Variants in MUC5AC observed in about 807,000 individuals in gnomAD.
MUC5AC encodes mucin-5AC.
MUC5AC carries 158 observed loss-of-function variants against 169.7 expected under a neutral mutation model. The ratio of observed to expected loss-of-function variants is 0.93; its 90% CI spans 0.82 to 1.06. The LOEUF (loss-of-function observed/expected upper bound fraction) is 1.06, where lower values mean the gene tolerates loss of function less well. Among genes scored for constraint, MUC5AC ranks in the 50% least tolerant of loss-of-function variants. MUC5AC has a pLI of 0.00. For synonymous variants in MUC5AC, 1,975 were observed against 1,237.0 expected (o/e 1.60, Z -12.52); for missense variants, 4,359 against 3,089.9 (o/e 1.41, Z -9.74).
At position 1,193,552 on chromosome 11, in the gene MUC5AC, T is replaced by A. The variant is rs746993872; in HGVS notation, c.14648T>A (p.Leu4883Gln). ...ATCEGNNVIS[L>Q]RPRTCPRVEK... ...TGTGAGGGCAACAACGTCATCTCCC[T>A]GCGCCCGCGCACGTGCCCGAGGGTG... Residue 4883 changes from leucine to glutamine, a missense_variant, in exon 33 of 49, where the codon CTG (leucine) becomes CAG (glutamine). By Grantham distance (113) the Leu-to-Gln change is moderately radical. Coordinates refer to ENST00000621226, the MANE Select transcript of MUC5AC (RefSeq NM_001304359.2). The A allele has an allele frequency of 1.3e-6, 1 of 763,628 alleles. No individual in the cohort carries two copies. The allele number at this position is 763,628 out of a possible 1,614,324, so 47.3% of individuals were successfully genotyped here. A position where few individuals can be genotyped will look rare whatever the true frequency, so the allele number is the denominator to read the frequency against.
Position 1,190,581 on chromosome 11 carries a change from A to T in MUC5AC, c.12436A>T (p.Thr4146Ser). 1 of 695,754 alleles carries T rather than the reference A, an allele frequency of 1.4e-6. No individual in the cohort carries two copies. The allele number at this position is 695,754 out of a possible 1,614,324, so 43.1% of individuals were successfully genotyped here. The change falls in exon 31 of 49, where the codon ACT (threonine) becomes TCT (serine). Residue 4146 changes from threonine (T) to serine (S), a missense_variant. Transcript: ENST00000621226. ...GACCTCAGCTCCTACACACAGAACGACTTCTGGTCCTACAACCAGCACAAC... is the reference window on the plus strand; with the variant it reads ...GACCTCAGCTCCTACACACAGAACGTCTTCTGGTCCTACAACCAGCACAAC... ...STTSAPTHRT[T>S]SGPTTSTTLA...
intron 26 of MUC5AC, 81 bp from the exon 27 acceptor site, chr11:1,179,941 G>C (rs878906280): frequency 5.0e-6 from 2 of 397,772 alleles, no homozygotes; most frequent in East Asian, 3.6e-5. Flanking sequence ...GGAGGGAAGC[G>C]GCTTTAGAAC....
chr11:1,165,402 C>T lies in MUC5AC; in HGVS notation c.1230C>T (p.Ser410=), dbSNP rs1330893079. The change falls in exon 10 of 49, where the codon TCC becomes TCT. Residue 410 remains serine (S), a synonymous_variant. Coordinates refer to ENST00000621226, the MANE Select transcript of MUC5AC (RefSeq NM_001304359.2). ...CCTATGCCCCAGGGGCCACCTACTCCACAGACTGCACCAACTGGTAGGTCC... is the reference window on the plus strand; with the variant it reads ...CCTATGCCCCAGGGGCCACCTACTCTACAGACTGCACCAACTGGTAGGTCC... ...GAAYAPGATY[S]TDCTNCTCSG... is the part of the protein sequence containing the mutation. The T allele has an allele frequency of 3.7e-6, 6 of 1,611,614 alleles. No homozygotes were observed. Among genetic ancestry groups the T allele is most frequent in the East Asian group, 2.2e-5 (1 of 44,788 alleles).
At chr11:1,175,607 C>CCACTCATGCACACACACCCA (rs1860654902) in intron 19 of MUC5AC, among the ~76,000 whole-genome samples, 3 of 101,560 alleles carry the variant, frequency 3.0e-5, no homozygotes, top group African/African-American at 7.5e-5. Context: ...GCATTCACAC[C>CCACTCATGCACACACACCCA]CTCATGCACA....
At chr11:1,196,961 G>T (rs1024341506) in intron 40 of MUC5AC, 53 bp downstream of exon 40, 1 of 739,508 alleles carries the variant, frequency 1.4e-6, no homozygotes, top group Non-Finnish European at 2.5e-6. Flanking sequence ...GCCCGAGGAG[G>T]GAGGCTCTTG....
intron 35 of MUC5AC, 98 bp from the exon 36 acceptor site, chr11:1,194,914 A>T: frequency 1.6e-6 from 1 of 634,664 alleles, no homozygotes; most frequent in South Asian, 1.7e-5. Context: ...CAGTTCACCA[A>T]GTTGTGACCC....
chr11:1,180,697 C>T (rs1860797110), intron 28 of MUC5AC, among the ~76,000 whole-genome samples, 181 bp downstream of exon 28: 1 of 152,150 alleles, frequency 6.6e-6, no homozygotes, highest in Non-Finnish European at 1.5e-5. Context: ...ACCAGCACCC[C>T]CATGTCCTGA....
chr11:1,199,776 G>A lies in MUC5AC; in HGVS notation c.16585+12G>A. ...CCCGTACCAGAACCGTGAGTACCCA[G>A]CCTGCTGGGCGGGGCGGGCTCCACC... On this transcript the variant is annotated intron_variant, in intron 47 of 48. Coordinates refer to ENST00000621226, the MANE Select transcript of MUC5AC (RefSeq NM_001304359.2). The A allele has an allele frequency of 1.4e-6, 1 of 718,158 alleles. No individual in the cohort carries two copies. Among genetic ancestry groups the A allele is most frequent in the Non-Finnish European group, 2.5e-6 (1 of 393,988 alleles). 44.5% of individuals were successfully genotyped at this position (718,158 alleles called of 1,614,324 possible). A position where few individuals can be genotyped will look rare whatever the true frequency, so the allele number is the denominator to read the frequency against.
chr11:1,197,152 C>T (rs1233701179), intron 40 of MUC5AC, among the ~76,000 whole-genome samples: 1 of 152,160 alleles, frequency 6.6e-6, no homozygotes, highest in African/African-American at 2.4e-5. Context: ...CCTGGTGTTG[C>T]TCTGTGGGTG....
At position 1,177,644 on chromosome 11, in the gene MUC5AC, G is replaced by A. The variant is rs1289624521; in HGVS notation, c.3087+11G>A. 3 of 398,682 alleles carry A rather than the reference G, an allele frequency of 7.5e-6. No individual in the cohort carries two copies. Among genetic ancestry groups the A allele is most frequent in the Admixed American group, 4.4e-5 (1 of 22,732 alleles). 24.7% of individuals were successfully genotyped at this position (398,682 alleles called of 1,614,324 possible). On this transcript the variant is annotated intron_variant, in intron 24 of 48. Coordinates refer to ENST00000621226, the MANE Select transcript of MUC5AC (RefSeq NM_001304359.2). ...AGCCCCGAGTTCAAGGTGAGACCAC[G>A]CCCCTCGTCCAGGCCAGGGCCGGCT... is the stretch of plus-strand genomic sequence containing the variant.
Position 1,192,780 on chromosome 11 carries a change from C to T in MUC5AC, c.14381-3C>T, listed in dbSNP as rs760467885. On this transcript the variant is annotated splice_region_variant and splice_polypyrimidine_tract_variant and intron_variant, in intron 31 of 48. Coordinates refer to ENST00000621226, the MANE Select transcript of MUC5AC (RefSeq NM_001304359.2). ...AAGGCTGCCATGTCCCTTCCTCTTA[C>T]AGGATCCACCATATACCGCCACAGA... 1.3e-4 allele frequency: 98 copies of T among 753,052 alleles called. No individual in the cohort carries two copies. The highest frequency in any genetic ancestry group is 2.3e-4 in the Non-Finnish European group (95 of 408,462). The allele number at this position is 753,052 out of a possible 1,614,324, so 46.6% of individuals were successfully genotyped here.
At position 1,186,514 on chromosome 11, in the gene MUC5AC, T is replaced by G. The variant is rs1217012446; in HGVS notation, c.8369T>G (p.Leu2790Trp). The G allele has an allele frequency of 6.5e-6, 4 of 613,354 alleles. No individual in the cohort carries two copies. The highest frequency in any genetic ancestry group is 1.2e-5 in the Non-Finnish European group (4 of 341,806). The allele number at this position is 613,354 out of a possible 1,614,324, so 38.0% of individuals were successfully genotyped here. A position where few individuals can be genotyped will look rare whatever the true frequency, so the allele number is the denominator to read the frequency against. ...TCTGCCCCTACAACCAGCACAACTT[T>G]GTCTCCTACAACCAGCACAACCTCT... ...TISAPTTSTT[L>W]SPTTSTTSTT... Residue 2790 changes from leucine (L) to tryptophan (W), a missense_variant, in exon 31 of 49, where the codon TTG becomes TGG. Transcript: ENST00000621226.
At chr11:1,161,465 G>T (rs2133713737) in intron 2 of MUC5AC, 62 bp from the exon 3 acceptor site, 3 of 1,378,166 alleles carry the variant, frequency 2.2e-6, no homozygotes, top group Non-Finnish European at 2.9e-6. Context: ...GTCTCCTCTG[G>T]CTGCGGAGCC....
intron 28 of MUC5AC, among the ~76,000 whole-genome samples, chr11:1,180,921 C>T (rs1351820578): frequency 6.6e-6 from 1 of 152,098 alleles, no homozygotes; most frequent in African/African-American, 2.4e-5. Context: ...ACTGGAGGGG[C>T]CCCACGAGGG....
chr11:1,190,085 C>T lies in MUC5AC; in HGVS notation c.11940C>T (p.Tyr3980=), dbSNP rs1861051433. 1.3e-6 allele frequency: 1 copy of T among 763,080 alleles called. No individual in the cohort carries two copies. The allele number at this position is 763,080 out of a possible 1,614,324, so 47.3% of individuals were successfully genotyped here. The change falls in exon 31 of 49, where the codon TAC becomes TAT. Residue 3980 remains tyrosine, a synonymous_variant. Coordinates refer to ENST00000621226, the MANE Select transcript of MUC5AC (RefSeq NM_001304359.2). ...CCCACGGTGGGGACAAGGAAACCTA[C>T]AACAACATCATCAGGAGTGGGGAAA... ...PGPHGGDKET[Y]NNIIRSGEKI...
chr11:1,178,566 C>A lies in MUC5AC; in HGVS notation c.3210C>A (p.Ser1070=). 1 of 1,398,698 alleles carries A rather than the reference C, an allele frequency of 7.1e-7. No homozygotes were observed. Among genetic ancestry groups the A allele is most frequent in the Non-Finnish European group, 9.4e-7 (1 of 1,061,834 alleles). 86.6% of individuals were successfully genotyped at this position (1,398,698 alleles called of 1,614,324 possible). A position where few individuals can be genotyped will look rare whatever the true frequency, so the allele number is the denominator to read the frequency against. Reference sequence around the variant, plus strand: ...GGAACAGCTGGAAGCTCTCCCCCTCCTGCCCAGATGCCCTGGCGCCCAAGG... The same window carrying A: ...GGAACAGCTGGAAGCTCTCCCCCTCATGCCCAGATGCCCTGGCGCCCAAGG... ...EFGNSWKLSP[S]CPDALAPKDP... is the part of the protein sequence containing the mutation. Residue 1070 remains serine (S), a synonymous_variant, in exon 25 of 49, where the codon TCC becomes TCA. Transcript: ENST00000621226.
rs1590147153 is a variant in MUC5AC, at chr11:1,189,138, A to G, written c.10993A>G (p.Thr3665Ala). Residue 3665 changes from threonine to alanine, a missense_variant, in exon 31 of 49, where the codon ACC becomes GCC. Physicochemically the swap from Thr to Ala is moderately conservative, Grantham distance 58. Transcript: ENST00000621226. ...AACCACTTTGGTGACAAGCAGCATA[A>G]CCTCCACTACACAGACCAGCACAAC... ...RTTTLVTSSI[T>A]STTQTSTTSA... 1 of 601,404 alleles carries G rather than the reference A, an allele frequency of 1.7e-6. No individual in the cohort carries two copies. The highest frequency in any genetic ancestry group is 2.9e-5 in the Admixed American group (1 of 34,180). The allele number at this position is 601,404 out of a possible 1,614,324, so 37.3% of individuals were successfully genotyped here.
intron 28 of MUC5AC, among the ~76,000 whole-genome samples, chr11:1,180,837 C>T (rs1860800718): frequency 6.6e-6 from 1 of 152,140 alleles, no homozygotes; most frequent in South Asian, 2.1e-4. Context: ...AGGGTCCCCA[C>T]CGGAAGGATG....
intron 15 of MUC5AC, 97 bp downstream of exon 15, chr11:1,169,123 G>T: frequency 7.0e-7 from 1 of 1,427,178 alleles, no homozygotes; most frequent in South Asian, 1.6e-5. Flanking sequence ...CCCTGCGTGT[G>T]CCTGTGAGCC....
Sources: allele counts gnomAD v4.1 joint callset (sites outside exome capture counted in the v4.1 genomes callset), GRCh38; gene constraint gnomAD v4.1.1; transcripts MANE v1.5; gene names NCBI Gene and HGNC (gene_info 2026-07-23, HGNC 2026-07-21).